Variants in COL19A1 observed in about 807,000 individuals in gnomAD.
The protein encoded by COL19A1 is collagen type XIX alpha 1 chain.
A neutral mutation model predicts 190.2 loss-of-function variants in COL19A1; 159 were observed. That is an observed-to-expected ratio of 0.84 (90% CI 0.73 to 0.95). The LOEUF (loss-of-function observed/expected upper bound fraction) is 0.95. COL19A1 is among the 40% of genes least tolerant of loss of function. The pLI is 0.00. For synonymous variants in COL19A1, 509 were observed against 458.9 expected, an observed-to-expected ratio of 1.11 and a Z score of -1.39; for missense variants, 1,418 against 1,431.9, an observed-to-expected ratio of 0.99 and a Z score of 0.16.
intron 10 of COL19A1, among the ~76,000 whole-genome samples, chr6:69,960,728 G>A (rs1020164441): frequency 3.4e-5 from 5 of 147,286 alleles, no homozygotes; most frequent in African/African-American, 7.5e-5. Flanking sequence ...CTCCGTTCAC[G>A]CCATTCTCCT....
rs150951949 is a variant in COL19A1, at chr6:70,020,753, C to T, written c.1027-2874C>T. Among the ~76,000 whole-genome samples the T allele has an allele frequency of 4.5e-3, 682 of 152,186 alleles. 4 individuals carry two copies. Among genetic ancestry groups the T allele is most frequent in the Middle Eastern group, 0.01 (3 of 294 alleles). ...AGAGAGCAAGGATGATACTAACCAT[C>T]CTACAATGTACAGGACTGCCCCCAC... On this transcript the variant is annotated intron_variant, in intron 11 of 50. Coordinates refer to ENST00000620364, the MANE Select transcript of COL19A1 (RefSeq NM_001858.6).
intron 4 of COL19A1, among the ~76,000 whole-genome samples, chr6:69,923,797 T>C (rs897635020): frequency 1.3e-5 from 2 of 152,174 alleles, no homozygotes; most frequent in African/African-American, 4.8e-5. Flanking sequence ...ACATGAAGGC[T>C]AAGGTGATTT....
chr6:69,911,301 T>A (rs1770896359), intron 4 of COL19A1, among the ~76,000 whole-genome samples: 1 of 152,210 alleles, frequency 6.6e-6, no homozygotes, highest in African/African-American at 2.4e-5. Context: ...AAACTATGCT[T>A]ATGTTATTTT....
At chr6:70,199,843 A>G in intron 49 of COL19A1, 107 bp downstream of exon 49, 1 of 1,002,532 alleles carries the variant, frequency 1.0e-6, no homozygotes, top group South Asian at 1.9e-5. Flanking sequence ...CTTTATTTAT[A>G]CATTACATAT....
chr6:69,870,154 T>C (rs963602488), intron 1 of COL19A1, among the ~76,000 whole-genome samples: 7 of 152,208 alleles, frequency 4.6e-5, no homozygotes, highest in African/African-American at 1.7e-4. Flanking sequence ...CTTTGATTTG[T>C]TTATTTTTAG....
rs201721310 is a variant in COL19A1, at chr6:69,879,540, G to A, written c.-28G>A. 17 of 1,592,976 alleles carry A rather than the reference G, an allele frequency of 1.1e-5. No individual in the cohort carries two copies. The highest frequency in any genetic ancestry group is 5.0e-5 in the Admixed American group (3 of 59,434). On this transcript the variant is annotated 5_prime_UTR_variant, in exon 2 of 51. It adds an upstream start codon to the 5' untranslated region. Coordinates refer to ENST00000620364, the MANE Select transcript of COL19A1 (RefSeq NM_001858.6). The stretch of plus-strand genomic sequence containing the variant: ...ATTTTTTTTTTTCTGTTGCAGATCC[G>A]TGGCCGTTCACATGGTTTCAAGGCA...
At chr6:70,027,674 A>G (rs921990013) in intron 12 of COL19A1, among the ~76,000 whole-genome samples, 1 of 152,180 alleles carries the variant, frequency 6.6e-6, no homozygotes, top group African/African-American at 2.4e-5. Flanking sequence ...TAAATAATGC[A>G]TACAAAACAT....
chr6:70,122,092 C>A, intron 17 of COL19A1, 150 bp downstream of exon 17: 1 of 519,210 alleles, frequency 1.9e-6, no homozygotes, highest in Non-Finnish European at 3.4e-6. Flanking sequence ...GCTATGTTTT[C>A]AAAAACAAAA....
chr6:69,935,310 T>G (rs1773025293), intron 7 of COL19A1, among the ~76,000 whole-genome samples: 1 of 151,620 alleles, frequency 6.6e-6, no homozygotes, highest in African/African-American at 2.4e-5. Context: ...TTTTGTGGAG[T>G]GTGGACAGGT....
chr6:70,134,371 GA>G (rs1256934555), intron 18 of COL19A1, among the ~76,000 whole-genome samples: 3 of 151,976 alleles, frequency 2.0e-5, no homozygotes, highest in East Asian at 1.9e-4. Flanking sequence ...TACTACCATA[GA>G]AAAAAACAAT....
chr6:70,074,323 A>T (rs975674173), intron 15 of COL19A1, among the ~76,000 whole-genome samples: 6 of 152,054 alleles, frequency 3.9e-5, no homozygotes, highest in African/African-American at 1.4e-4. Flanking sequence ...ACATGGTGAA[A>T]CCCTGTCTCT....
chr6:69,995,555 G>T (rs1310258013), intron 11 of COL19A1, among the ~76,000 whole-genome samples: 3 of 151,476 alleles, frequency 2.0e-5, no homozygotes, highest in African/African-American at 7.3e-5. Context: ...GCATGCTCTG[G>T]GTAAGTTAGC....
chr6:70,043,761 G>A (rs774296591), intron 14 of COL19A1, among the ~76,000 whole-genome samples: 13 of 152,120 alleles, frequency 8.5e-5, no homozygotes, highest in East Asian at 1.9e-4. Flanking sequence ...TTGTCATTCC[G>A]CTTATAGAGC....
At position 70,062,992 on chromosome 6, in the gene COL19A1, A is replaced by T. The variant is rs910619799; in HGVS notation, c.1171-5431A>T. Among the ~76,000 whole-genome samples the T allele has an allele frequency of 2.0e-5, 3 of 152,274 alleles. No individual in the cohort carries two copies. In the East Asian group the frequency reaches 5.8e-4, roughly 29 times the overall value. ...CCAGATTCATAAAGCAAGTCCTTAG[A>T]GACCTACAAAGAGCCTTAGACTCCC... On this transcript the variant is annotated intron_variant, in intron 14 of 50. Transcript: ENST00000620364.
At chr6:70,154,401 C>G (rs1583041041) in intron 31 of COL19A1, among the ~76,000 whole-genome samples, 1 of 151,952 alleles carries the variant, frequency 6.6e-6, no homozygotes. Flanking sequence ...CTGTTGTGAA[C>G]AGTGCTGCAA....
chr6:70,051,327 A>T (rs1780189250), intron 14 of COL19A1, among the ~76,000 whole-genome samples: 1 of 152,122 alleles, frequency 6.6e-6, no homozygotes, highest in Non-Finnish European at 1.5e-5. Flanking sequence ...AATAATAACA[A>T]CTTAGCCTGC....
At chr6:70,059,221 A>G (rs1407544061) in intron 14 of COL19A1, among the ~76,000 whole-genome samples, 1 of 152,150 alleles carries the variant, frequency 6.6e-6, no homozygotes, top group African/African-American at 2.4e-5. Context: ...TTTTTGTTGA[A>G]GTGGGTATTA....
At chr6:70,027,203 A>G (rs1438804503) in intron 12 of COL19A1, among the ~76,000 whole-genome samples, 2 of 152,190 alleles carry the variant, frequency 1.3e-5, no homozygotes, top group African/African-American at 4.8e-5. Context: ...TAATATTTCT[A>G]CTAAATGAAT....
intron 11 of COL19A1, among the ~76,000 whole-genome samples, chr6:69,994,622 G>A (rs994524393): frequency 6.6e-6 from 1 of 152,146 alleles, no homozygotes; most frequent in Non-Finnish European, 1.5e-5. Context: ...TATTATTGCA[G>A]ACATTGCTAT....
Sources: gnomAD v4.1 joint callset for allele counts (sites outside exome capture counted in the v4.1 genomes callset) on GRCh38, gnomAD v4.1.1 for gene constraint, MANE v1.5 for transcripts, NCBI Gene and HGNC (gene_info 2026-07-23, HGNC 2026-07-21) for gene names.